DMD: variants seen among roughly 807,000 people sequenced by gnomAD.
DMD encodes dystrophin.
DMD carries 63 observed loss-of-function variants against 330.1 expected under a neutral mutation model. That is an observed-to-expected ratio of 0.19 (90% CI 0.16 to 0.24). The LOEUF is 0.24. Among genes scored for constraint, DMD ranks in the 10% least tolerant of loss-of-function variants. DMD has a pLI of 1.00. For missense variants in DMD, 3,344 were observed against 2,684.1 expected (o/e 1.25, Z -5.43); for synonymous variants, 1,223 against 959.8 (o/e 1.27, Z -5.07).
chrX:32,465,637 G>A (rs1328992614), intron 23 of DMD, among the ~76,000 whole-genome samples: 1 of 99,659 alleles, frequency 1.0e-5, no homozygotes, highest in South Asian at 5.0e-4. Context: ...CCAGGCTGGA[G>A]TGAAGTGGCA....
intron 42 of DMD, among the ~76,000 whole-genome samples, chrX:32,307,312 A>C (rs2097544070): frequency 9.0e-6 from 1 of 111,632 alleles, no homozygotes; most frequent in African/African-American, 3.3e-5. Context: ...ATCATGCTTC[A>C]GAGTTACCCT....
chrX:31,847,953 G>C (rs1488435238), intron 48 of DMD, among the ~76,000 whole-genome samples: 1 of 111,916 alleles, frequency 8.9e-6, no homozygotes, highest in Non-Finnish European at 1.9e-5. Context: ...AAGACCATGT[G>C]GCTTGCAAAT....
At chrX:32,628,366 C>T (rs901904869) in intron 11 of DMD, among the ~76,000 whole-genome samples, 1 of 90,962 alleles carries the variant, frequency 1.1e-5, no homozygotes, top group Admixed American at 1.4e-4. Flanking sequence ...ATCAACATAA[C>T]GTCCTCCAGT....
rs759594954 is a variant in DMD at position 32,913,072 on chromosome X, A to C, written c.94-63252T>G. On this transcript the variant is annotated intron_variant, in intron 2 of 78. Transcript: ENST00000357033. ...CCTTTCAGCTTGCTGGGTTTCTTGC[A>C]CTAAAAGATGAGGGTTTAATAATCA... Among the ~76,000 whole-genome samples, 6 of 111,940 alleles carry C rather than the reference A, an allele frequency of 5.4e-5. No individual in the cohort carries two copies. In the Admixed American group the frequency reaches 5.7e-4, roughly 11 times the overall value.
At chrX:33,019,580 C>G (rs1218713873) in intron 2 of DMD, among the ~76,000 whole-genome samples, 1 of 111,400 alleles carries the variant, frequency 9.0e-6, no homozygotes. Context: ...CTATAATCAT[C>G]TAGAGTCACG....
At chrX:31,225,799 AT>A (rs2046523771) in intron 63 of DMD, among the ~76,000 whole-genome samples, 1 of 111,832 alleles carries the variant, frequency 8.9e-6, no homozygotes, top group South Asian at 3.8e-4. Flanking sequence ...AACCACTCTA[AT>A]AGAGGACTGT....
intron 70 of DMD, 75 bp from the exon 71 acceptor site, chrX:31,178,045 A>G (rs1016539426): frequency 3.6e-6 from 4 of 1,108,296 alleles, no homozygotes; most frequent in Non-Finnish European, 4.9e-6. Context: ...GAAAGGTCAA[A>G]ATAAATAAAA....
intron 2 of DMD, among the ~76,000 whole-genome samples, chrX:32,987,447 A>G (rs886958585): frequency 9.0e-6 from 1 of 111,424 alleles, no homozygotes; most frequent in African/African-American, 3.3e-5. Context: ...CCCACATACC[A>G]AGTATAGCAG....
rs191710109 is a variant in DMD, at chrX:31,240,911, G to T, written c.9287-17790C>A. On this transcript the variant is annotated intron_variant, in intron 63 of 78. Coordinates refer to ENST00000357033, the MANE Select transcript of DMD (RefSeq NM_004006.3). ...ATCACTATGGTCTCCCAATAAGCTT[G>T]GTCTAGTAACCTTAACTTTCCTAAG... Among the ~76,000 whole-genome samples, 177 of 110,640 alleles carry T rather than the reference G, an allele frequency of 1.6e-3. 3 individuals carry two copies. Among genetic ancestry groups the T allele is most frequent in the Admixed American group, 0.015 (156 of 10,335 alleles).
chrX:32,509,720 C>A (rs2045078472), intron 18 of DMD, among the ~76,000 whole-genome samples: 1 of 111,834 alleles, frequency 8.9e-6, no homozygotes, highest in Non-Finnish European at 1.9e-5. Context: ...AATTTGGCTT[C>A]ACGTACTACT....
chrX:33,207,346 T>G (rs572198237), intron 1 of DMD, among the ~76,000 whole-genome samples: 2 of 111,019 alleles, frequency 1.8e-5, no homozygotes, highest in African/African-American at 3.3e-5. Flanking sequence ...CTGTAATATA[T>G]GAGGGAAACA....
At position 33,036,138 on chromosome X, in the gene DMD, G is replaced by A. The variant is rs182314912; in HGVS notation, c.32-15938C>T. ...AAAGTTGAATAAAGAGAGCGAGAGA[G>A]AGACAGAGAGACAGATGCATTATTT... On this transcript the variant is annotated intron_variant, in intron 1 of 78. Transcript: ENST00000357033. Among the ~76,000 whole-genome samples the A allele has an allele frequency of 3.1e-3, 345 of 111,120 alleles. 7 individuals carry two copies. Among genetic ancestry groups the A allele is most frequent in the Admixed American group, 0.03 (311 of 10,392 alleles).
At chrX:31,350,979 C>T (rs1944509891) in intron 60 of DMD, among the ~76,000 whole-genome samples, 1 of 110,720 alleles carries the variant, frequency 9.0e-6, no homozygotes, top group Non-Finnish European at 1.9e-5. Flanking sequence ...CCTGCACTTG[C>T]ACTGGGATTT....
intron 41 of DMD, among the ~76,000 whole-genome samples, chrX:32,339,014 T>C (rs2097728728): frequency 8.9e-6 from 1 of 112,408 alleles, no homozygotes; most frequent in Non-Finnish European, 1.9e-5. Flanking sequence ...ATTTTAAAAA[T>C]TAAAGATTAT....
chrX:32,747,519 T>A (rs181028462), intron 7 of DMD, among the ~76,000 whole-genome samples: 1 of 111,875 alleles, frequency 8.9e-6, no homozygotes, highest in East Asian at 2.8e-4. Context: ...CTCACTCTGT[T>A]GTCCAGGCTC....
At chrX:32,697,304 A>G (rs964310116) in intron 9 of DMD, among the ~76,000 whole-genome samples, 6 of 111,633 alleles carry the variant, frequency 5.4e-5, no homozygotes, top group South Asian at 3.7e-4. Flanking sequence ...ACCTGGTTTC[A>G]GTGTGACTTT....
chrX:32,165,367 G>GCT (rs1336029927), intron 44 of DMD, among the ~76,000 whole-genome samples: 3 of 112,937 alleles, frequency 2.7e-5, no homozygotes, highest in Admixed American at 1.9e-4. Context: ...GAGAAATGGA[G>GCT]TCAAAGGAGA....
intron 19 of DMD, among the ~76,000 whole-genome samples, chrX:32,499,218 T>C (rs1350072079): frequency 8.9e-6 from 1 of 112,075 alleles, no homozygotes; most frequent in East Asian, 2.8e-4. Context: ...TTATTTTAAG[T>C]AGAAAATTCA....
intron 41 of DMD, among the ~76,000 whole-genome samples, chrX:32,337,685 C>T (rs2097722393): frequency 9.1e-6 from 1 of 110,199 alleles, no homozygotes; most frequent in Non-Finnish European, 1.9e-5. Flanking sequence ...TTGTTTTTAT[C>T]TCCCTTTACA....
Sources: gnomAD v4.1 joint callset for allele counts (sites outside exome capture counted in the v4.1 genomes callset) on GRCh38, gnomAD v4.1.1 for gene constraint, MANE v1.5 for transcripts, NCBI Gene and HGNC (gene_info 2026-07-23, HGNC 2026-07-21) for gene names.